Variants in DAB1 observed in about 807,000 individuals in gnomAD.
DAB1 encodes the protein disabled homolog 1.
In DAB1, 15 loss-of-function variants were observed where a neutral mutation model predicts 64.6. The observed-to-expected ratio is 0.23, with a 90% CI of 0.16 to 0.36. DAB1 has a LOEUF of 0.36. Among genes scored for constraint, DAB1 ranks in the 10% least tolerant of loss-of-function variants. The pLI, the probability that DAB1 is intolerant of heterozygous loss-of-function variation, is 1.00. For missense variants in DAB1, 596 were observed against 706.7 expected (o/e 0.84, Z 1.78); for synonymous variants, 235 against 251.9 (o/e 0.93, Z 0.64).
chr1:57,696,591 C>T (rs1646848638), intron 6 of DAB1, among the ~76,000 whole-genome samples: 1 of 152,116 alleles, frequency 6.6e-6, no homozygotes, highest in Non-Finnish European at 1.5e-5. Context: ...CTCTCAGCAC[C>T]TGGGAAAAGC....
At chr1:57,202,526 C>G (rs1665190171) in intron 2 of DAB1, among the ~76,000 whole-genome samples, 1 of 152,096 alleles carries the variant, frequency 6.6e-6, no homozygotes, top group South Asian at 2.1e-4. Flanking sequence ...GAGGAATTAA[C>G]CATTAAATTA....
In DAB1 at chr1:58,405,566, C is replaced by A. The variant is rs944515053; in HGVS notation, n.258-62163G>T. ...TTTGAGATGGGGTTTTGCCACATTGCCCAGGCTGGTCTTGAACTCCTGGGC... is the reference window on the plus strand; with the variant it reads ...TTTGAGATGGGGTTTTGCCACATTGACCAGGCTGGTCTTGAACTCCTGGGC... On this transcript the variant is annotated intron_variant and non_coding_transcript_variant, in intron 3 of 20. Transcript: ENST00000485760. 9.9e-5 allele frequency among the ~76,000 whole-genome samples: 15 copies of A among 152,210 alleles called. No individual in the cohort carries two copies. In the East Asian group the frequency reaches 2.7e-3, roughly 27 times the overall value.
intron 3 of DAB1, among the ~76,000 whole-genome samples, chr1:58,387,717 CTTTTCTTT>C (rs1475929126): frequency 4.0e-4 from 41 of 102,850 alleles, no homozygotes; most frequent in Admixed American, 3.0e-3. Flanking sequence ...TTTTTCTTTT[CTTTTCTTT>C]TTTTTTTTTT....
At chr1:57,921,234 T>C (rs1644803723) in intron 5 of DAB1, among the ~76,000 whole-genome samples, 1 of 152,158 alleles carries the variant, frequency 6.6e-6, no homozygotes, top group African/African-American at 2.4e-5. Context: ...ATTAAAAAAG[T>C]GAATATAATA....
In DAB1 at chr1:58,433,658, G is replaced by T. The variant is rs80296634; in HGVS notation, n.257+72402C>A. Among the ~76,000 whole-genome samples, 1,340 of 148,534 alleles carry T rather than the reference G, an allele frequency of 9.0e-3. 22 individuals carry two copies. Among genetic ancestry groups the T allele is most frequent in the African/African-American group, 0.032 (1,271 of 39,444 alleles). On this transcript the variant is annotated intron_variant and non_coding_transcript_variant, in intron 3 of 20. Coordinates refer to the DAB1 transcript ENST00000485760. ...GTGCTTGTCTGTGTCTGTGTGGAGG[G>T]GGGGAGGCGGGGGAGAGAGAGAGAG...
intron 3 of DAB1, among the ~76,000 whole-genome samples, chr1:58,443,147 C>T (rs706439): frequency 0.52 from 78,831 of 151,926 alleles, 20,671 homozygotes; most frequent in South Asian, 0.71. Context: ...TAGTGACAAA[C>T]GGTGGACCAG....
chr1:58,329,080 T>C (rs1399748348), intron 4 of DAB1, among the ~76,000 whole-genome samples: 1 of 152,258 alleles, frequency 6.6e-6, no homozygotes, highest in Non-Finnish European at 1.5e-5. Context: ...AGCTTCTACA[T>C]ACATCTATTT....
chr1:58,215,048 A>G (rs568912321), intron 4 of DAB1, among the ~76,000 whole-genome samples: 54 of 152,298 alleles, frequency 3.5e-4, no homozygotes, highest in Non-Finnish European at 6.6e-4. Context: ...CCCCTTGCCC[A>G]TACATCTGCA....
chr1:57,359,453 G>A (rs1332253305), intron 1 of DAB1, among the ~76,000 whole-genome samples: 4 of 151,982 alleles, frequency 2.6e-5, no homozygotes, highest in African/African-American at 4.8e-5. Context: ...TATTGGCAAG[G>A]ATATAGAGAA....
At chr1:58,431,445 C>T (rs1415970090) in intron 3 of DAB1, among the ~76,000 whole-genome samples, 2 of 151,058 alleles carry the variant, frequency 1.3e-5, no homozygotes, top group African/African-American at 4.9e-5. Flanking sequence ...GTAGTCCCAG[C>T]TACTTGGGAG....
intron 14 of DAB1, among the ~76,000 whole-genome samples, chr1:57,005,023 A>G (rs1646015190): frequency 6.6e-6 from 1 of 152,170 alleles, no homozygotes; most frequent in Admixed American, 6.5e-5. Context: ...GGCCACTTTG[A>G]GTCTGAAAGT....
chr1:57,202,073 G>T (rs1665149192), intron 2 of DAB1, among the ~76,000 whole-genome samples: 1 of 152,126 alleles, frequency 6.6e-6, no homozygotes, highest in African/African-American at 2.4e-5. Context: ...CCAAGCAGAG[G>T]TATTGCAGAA....
At chr1:58,319,116 T>C (rs1662624291) in intron 4 of DAB1, among the ~76,000 whole-genome samples, 1 of 150,426 alleles carries the variant, frequency 6.6e-6, no homozygotes, top group East Asian at 2.0e-4. Context: ...TAGTGGGGAG[T>C]GGTGTGTGGG....
chr1:57,052,578 A>G (rs371659234), intron 9 of DAB1, among the ~76,000 whole-genome samples: 2 of 152,170 alleles, frequency 1.3e-5, no homozygotes, highest in Admixed American at 1.3e-4. Context: ...GAGCTACTAT[A>G]ATGTCAAGTT....
intron 4 of DAB1, among the ~76,000 whole-genome samples, chr1:58,341,527 A>T (rs1166036174): frequency 1.3e-5 from 2 of 152,302 alleles, no homozygotes; most frequent in South Asian, 2.1e-4. Flanking sequence ...TAAACATAAC[A>T]TCCTTATGAA....
At chr1:58,128,640 T>C (rs1337149339) in intron 5 of DAB1, among the ~76,000 whole-genome samples, 1 of 124,462 alleles carries the variant, frequency 8.0e-6, no homozygotes, top group Non-Finnish European at 1.6e-5. Context: ...CATCAATACC[T>C]AATTTATTGA....
chr1:58,214,711 G>T (rs553426870), intron 4 of DAB1, among the ~76,000 whole-genome samples: 55 of 152,246 alleles, frequency 3.6e-4, no homozygotes, highest in African/African-American at 1.3e-3. Context: ...AGAAGCAGTA[G>T]GCTTGTAGAA....
chr1:57,644,124 G>A (rs1338464131), intron 7 of DAB1, among the ~76,000 whole-genome samples: 1 of 152,158 alleles, frequency 6.6e-6, no homozygotes, highest in Admixed American at 6.5e-5. Flanking sequence ...AAGGAAACAA[G>A]CCTGGTGAAA....
In DAB1 at chr1:57,994,011, C is replaced by T. The variant is rs527360451; in HGVS notation, n.388-109849G>A. On this transcript the variant is annotated intron_variant and non_coding_transcript_variant, in intron 5 of 20. Coordinates refer to the DAB1 transcript ENST00000485760. ...AAAGAGGTCTCTCTCCTTATAAAAG[C>T]GTAGCCTGTTGGGGAACAGAGGCAA... is the stretch of plus-strand genomic sequence containing the variant. Among the ~76,000 whole-genome samples the T allele has an allele frequency of 1.2e-4, 19 of 152,316 alleles. 1 individual carries two copies. Among genetic ancestry groups the T allele is most frequent in the African/African-American group, 2.6e-4 (11 of 41,566 alleles).
Sources: allele counts gnomAD v4.1 joint callset (sites outside exome capture counted in the v4.1 genomes callset), GRCh38; gene constraint gnomAD v4.1.1; transcripts MANE v1.5; gene names NCBI Gene and HGNC (gene_info 2026-07-23, HGNC 2026-07-21).